The following SKIC8 variants were observed in gnomAD, a reference collection of about 807,000 sequenced individuals.
SKIC8 encodes superkiller complex protein 8.
At chr15:78,285,738 T>C in the SKIC8 span, 1 of 420,820 alleles carries the variant, frequency 2.4e-6, no homozygotes, top group Non-Finnish European at 4.2e-6. Flanking sequence ...TAAACAACAT[T>C]TTACAAACAT....
chr15:78,297,902 A>G, the SKIC8 span, among the ~76,000 whole-genome samples: 1 of 152,210 alleles, frequency 6.6e-6, no homozygotes, highest in Admixed American at 6.5e-5. Flanking sequence ...GCCTATGAAG[A>G]TCTCAAATTG....
the SKIC8 span, chr15:78,286,102 C>T: frequency 5.0e-6 from 8 of 1,613,610 alleles, no homozygotes; most frequent in Admixed American, 1.7e-5. Context: ...GAGGCATGGC[C>T]GCTCAGCGTG....
At chr15:78,286,636 C>T in the SKIC8 span, 1 of 152,796 alleles carries the variant, frequency 6.5e-6, no homozygotes, top group African/African-American at 2.4e-5. Flanking sequence ...AAGAACAAGA[C>T]AGGTCTAATT....
At chr15:78,295,005 T>C in the SKIC8 span, 8 of 1,613,834 alleles carry the variant, frequency 5.0e-6, no homozygotes, top group African/African-American at 9.3e-5. Flanking sequence ...ATTAAACCCA[T>C]GGTCAGATTT....
chr15:78,289,586 C>A, the SKIC8 span: 2 of 1,484,044 alleles, frequency 1.3e-6, no homozygotes, highest in East Asian at 2.3e-5. Context: ...GATTTGATAA[C>A]CCAGTTTGTC....
the SKIC8 span, chr15:78,291,812 G>C: frequency 6.6e-6 from 1 of 152,200 alleles, no homozygotes; most frequent in African/African-American, 2.4e-5. Context: ...AACCCAAAAA[G>C]GGGTGTGCCA....
the SKIC8 span, chr15:78,295,152 CAT>C: frequency 4.5e-6 from 3 of 665,300 alleles, no homozygotes; most frequent in Non-Finnish European, 5.1e-6. Flanking sequence ...TTTGTACAGT[CAT>C]ATCAGAAAAA....
chr15:78,289,765 G>A, the SKIC8 span: 14 of 1,573,614 alleles, frequency 8.9e-6, no homozygotes, highest in African/African-American at 1.8e-4. Flanking sequence ...GTGTTGTTAA[G>A]CTGTCCCTAC....
the SKIC8 span, chr15:78,292,758 A>G: frequency 6.2e-7 from 1 of 1,613,970 alleles, no homozygotes; most frequent in Admixed American, 1.7e-5. Context: ...GTCCCTCCAG[A>G]CTCCACTGTA....
chr15:78,290,431 C>T, the SKIC8 span: 1 of 223,238 alleles, frequency 4.5e-6, no homozygotes, highest in Non-Finnish European at 8.7e-6. Context: ...TACCATGATA[C>T]TCAGCAATTC....
the SKIC8 span, among the ~76,000 whole-genome samples, chr15:78,298,235 C>T: frequency 1.3e-5 from 2 of 151,960 alleles, no homozygotes; most frequent in African/African-American, 4.8e-5. Flanking sequence ...TGGATAGAAA[C>T]AAAAAAAGGA....
At chr15:78,295,047 C>T in the SKIC8 span, 1 of 1,569,318 alleles carries the variant, frequency 6.4e-7, no homozygotes. Context: ...AGAAAGCACT[C>T]CTCCCCGAGT....
At chr15:78,298,723 C>T in the SKIC8 span, among the ~76,000 whole-genome samples, 1 of 152,142 alleles carries the variant, frequency 6.6e-6, no homozygotes, top group Admixed American at 6.5e-5. Context: ...GTAAGTCAAA[C>T]CACGGTAAGT....
At chr15:78,285,628 C>T in the SKIC8 span, 257 of 522,274 alleles carry the variant, frequency 4.9e-4, no homozygotes, top group African/African-American at 4.4e-3. Context: ...AACCAAGGCT[C>T]GCAGGAGGCC....
the SKIC8 span, among the ~76,000 whole-genome samples, chr15:78,289,370 A>G: frequency 1.3e-5 from 2 of 152,160 alleles, no homozygotes; most frequent in Middle Eastern, 6.3e-3. Flanking sequence ...CTATGATCAC[A>G]CCACTGCACT....
At chr15:78,295,597 T>G in the SKIC8 span, 1 of 1,592,252 alleles carries the variant, frequency 6.3e-7, no homozygotes, top group South Asian at 1.1e-5. Context: ...GTTTCTTGAC[T>G]ACACATCCAG....
the SKIC8 span, chr15:78,289,800 T>G: frequency 6.6e-7 from 1 of 1,515,156 alleles, no homozygotes; most frequent in Admixed American, 1.7e-5. Context: ...CCTCCTGCTA[T>G]CTACAGGTCT....
the SKIC8 span, chr15:78,299,477 C>A: frequency 0.02 from 3,015 of 153,000 alleles, 58 homozygotes; most frequent in Non-Finnish European, 0.03. Context: ...CAGCCTCGGG[C>A]CCAACCTCGC....
the SKIC8 span, chr15:78,295,936 G>A: frequency 2.4e-6 from 1 of 419,646 alleles, no homozygotes; most frequent in Non-Finnish European, 4.2e-6. Context: ...TCAACTAACA[G>A]CTAATTCTAT....
Sources: allele counts gnomAD v4.1 joint callset (sites outside exome capture counted in the v4.1 genomes callset), GRCh38; gene constraint gnomAD v4.1.1; transcripts MANE v1.5; gene names NCBI Gene and HGNC (gene_info 2026-07-23, HGNC 2026-07-21).